The following BAZ1A variants were observed in gnomAD, a reference collection of about 807,000 sequenced individuals.
BAZ1A encodes bromodomain adjacent to zinc finger domain 1A.
In BAZ1A, 50 loss-of-function variants were observed where a neutral mutation model predicts 185.2. The ratio of observed to expected loss-of-function variants is 0.27; its 90% CI spans 0.22 to 0.34. The LOEUF is 0.34. BAZ1A is among the 10% of genes least tolerant of loss of function. The pLI, the probability that BAZ1A is intolerant of heterozygous loss-of-function variation, is 1.00. For synonymous variants in BAZ1A, 571 were observed against 615.6 expected, an observed-to-expected ratio of 0.93 and a Z score of 1.07; for missense variants, 1,356 against 1,839.9, an observed-to-expected ratio of 0.74 and a Z score of 4.81.
chr14:34,838,867 C>T (rs2042369733), intron 3 of BAZ1A, among the ~76,000 whole-genome samples: 3 of 151,652 alleles, frequency 2.0e-5, no homozygotes, highest in Admixed American at 1.3e-4. Context: ...CTACAGTAGT[C>T]GCAAAAAAGG....
chr14:34,852,438 A>T (rs2042612027), intron 3 of BAZ1A, among the ~76,000 whole-genome samples: 1 of 152,024 alleles, frequency 6.6e-6, no homozygotes, highest in South Asian at 2.1e-4. Context: ...GGGCAACATA[A>T]TGAAACTGTC....
At chr14:34,797,451 C>T (rs1216224418) in intron 9 of BAZ1A, among the ~76,000 whole-genome samples, 7 of 151,698 alleles carry the variant, frequency 4.6e-5, no homozygotes, top group African/African-American at 7.3e-5. Flanking sequence ...CCCAGCCACT[C>T]GGGAGGCTGA....
chr14:34,811,068 T>A, intron 4 of BAZ1A, 32 bp from the exon 5 acceptor site: 1 of 1,393,454 alleles, frequency 7.2e-7, no homozygotes, highest in Non-Finnish European at 1.0e-6. Context: ...CACAAATCAG[T>A]TAATAATTTG....
rs116347888 is a variant in BAZ1A at position 34,753,820 on chromosome 14, T to C, written c.4475-116A>G. The C allele has an allele frequency of 1.5e-3, 1,399 of 917,216 alleles. 27 individuals carry two copies. In the African/African-American group the frequency reaches 0.022, roughly 14 times the overall value. The allele number at this position is 917,216 out of a possible 1,614,324, so 56.8% of individuals were successfully genotyped here. A position where few individuals can be genotyped will look rare whatever the true frequency, so the allele number is the denominator to read the frequency against. On this transcript the variant is annotated intron_variant, in intron 26 of 26. Transcript: ENST00000360310. ...GAAAATGGAAGCCCACTTTTTTCTT[T>C]AGAAAGAGAAGACTCTGGCTAGGCA...
chr14:34,768,162 T>A (rs1042154742), intron 21 of BAZ1A, among the ~76,000 whole-genome samples: 1 of 152,154 alleles, frequency 6.6e-6, no homozygotes, highest in Admixed American at 6.5e-5. Context: ...ACAGATAAAT[T>A]CCTCCATAAA....
At chr14:34,800,059 G>A (rs965648945) in intron 9 of BAZ1A, among the ~76,000 whole-genome samples, 165 bp downstream of exon 9, 1 of 152,182 alleles carries the variant, frequency 6.6e-6, no homozygotes, top group African/African-American at 2.4e-5. Context: ...GTAAAGGCAT[G>A]TTAAATTTTC....
chr14:34,844,317 C>A (rs1326444599), intron 3 of BAZ1A, among the ~76,000 whole-genome samples: 1 of 150,638 alleles, frequency 6.6e-6, no homozygotes, highest in Non-Finnish European at 1.5e-5. Flanking sequence ...ATAAATTTAA[C>A]CAAAGAGGTG....
chr14:34,753,695 A>G lies in BAZ1A; in HGVS notation c.4484T>C (p.Ile1495Thr), dbSNP rs780663532. The change falls in exon 27 of 27, where the codon ATT (isoleucine) becomes ACT (threonine). Residue 1495 changes from isoleucine to threonine, a missense_variant. Coordinates refer to ENST00000360310, the MANE Select transcript of BAZ1A (RefSeq NM_013448.3). ...CGAAAACATTAACTCAATGTCATCA[A>G]TAAACTCAGCTAGAAAGGGAAAGAG... ...KCEYKLASEF[I>T]DDIELMFSNC... The G allele has an allele frequency of 8.2e-6, 13 of 1,580,400 alleles. No individual in the cohort carries two copies. In the East Asian group the frequency reaches 2.7e-4, roughly 33 times the overall value.
chr14:34,763,933 A>G (rs948653348), intron 23 of BAZ1A, among the ~76,000 whole-genome samples: 2 of 152,196 alleles, frequency 1.3e-5, no homozygotes, highest in African/African-American at 4.8e-5. Flanking sequence ...GTAAGCCTGT[A>G]TATCTACCTT....
rs761940413 is a variant in BAZ1A at position 34,765,276 on chromosome 14, G to C, written c.3302-8C>G. On this transcript the variant is annotated splice_polypyrimidine_tract_variant and splice_region_variant and intron_variant, in intron 21 of 26. Transcript: ENST00000360310. ...GCCCACTGTCACTGGCATCTTAAAT[G>C]AAAAGGGAAAGTGATTACAATTTTT... 5 of 1,610,412 alleles carry C rather than the reference G, an allele frequency of 3.1e-6. No homozygotes were observed. Among genetic ancestry groups the C allele is most frequent in the Non-Finnish European group, 4.2e-6 (5 of 1,178,402 alleles).
At chr14:34,805,638 CAG>C (rs142152871) in intron 6 of BAZ1A, among the ~76,000 whole-genome samples, 29,939 of 152,024 alleles carry the variant, frequency 0.2, 3,452 homozygotes, top group Non-Finnish European at 0.26. Context: ...ATGCTATAGA[CAG>C]AGCATAATTG....
At chr14:34,825,475 A>AAAAAAAAAC (rs2042153598) in intron 4 of BAZ1A, among the ~76,000 whole-genome samples, 1 of 149,654 alleles carries the variant, frequency 6.7e-6, no homozygotes, top group Non-Finnish European at 1.5e-5. Context: ...AAAAAAAAAA[A>AAAAAAAAAC]AGAGGGTGGG....
intron 4 of BAZ1A, among the ~76,000 whole-genome samples, chr14:34,823,960 T>A (rs953395187): frequency 6.6e-6 from 1 of 152,122 alleles, no homozygotes; most frequent in East Asian, 1.9e-4. Context: ...TGAACTACTG[T>A]CAGACATGCT....
intron 3 of BAZ1A, among the ~76,000 whole-genome samples, chr14:34,851,332 CAAAAAAA>C (rs71435818): frequency 4.6e-4 from 20 of 43,408 alleles, no homozygotes; most frequent in African/African-American, 1.7e-3. Flanking sequence ...GACCCTAGCT[CAAAAAAA>C]AAAAAAAAAA....
intron 9 of BAZ1A, among the ~76,000 whole-genome samples, chr14:34,796,990 C>T (rs1022855810): frequency 3.9e-5 from 6 of 152,096 alleles, no homozygotes; most frequent in African/African-American, 1.2e-4. Context: ...TATTCTTAAT[C>T]TTTGATTTAT....
In BAZ1A at chr14:34,774,480, C is replaced by A; in HGVS notation, c.2844G>T (p.Gln948His). The change falls in exon 19 of 27, where the codon CAG becomes CAT. Residue 948 changes from glutamine (Q) to histidine (H), a missense_variant. Physicochemically the swap from Gln to His is conservative, Grantham distance 24 (BLOSUM62 0). Coordinates refer to ENST00000360310, the MANE Select transcript of BAZ1A (RefSeq NM_013448.3). ...GACTATATGTTGGTTTGCTATCAGG[C>A]TGAGGTTTGTCTGAAATAGTAATCA... ...EEKFHFSDKP[Q>H]PDSKPTYSRG... The A allele has an allele frequency of 6.3e-7, 1 of 1,579,748 alleles. No individual in the cohort carries two copies.
chr14:34,765,443 A>T (rs1878776317), intron 21 of BAZ1A, among the ~76,000 whole-genome samples, 175 bp from the exon 22 acceptor site: 1 of 152,240 alleles, frequency 6.6e-6, no homozygotes, highest in Admixed American at 6.5e-5. Flanking sequence ...ATATTTGCTG[A>T]GCCGCATCTC....
At position 34,776,448 on chromosome 14, in the gene BAZ1A, C is replaced by T. The variant is rs1594826396; in HGVS notation, c.2304G>A (p.Glu768=). Residue 768 remains glutamate, a synonymous_variant, in exon 18 of 27, where the codon GAG becomes GAA. Transcript: ENST00000360310. ...CTTCTTCCTCATCAGCAGTAAGAGG[C>T]TCTCTTGTTACACAGTTGATCTGTT... ...RQEQINCVTR[E]PLTADEEEAL... The T allele has an allele frequency of 6.2e-7, 1 of 1,613,932 alleles. No individual in the cohort carries two copies.
rs760780689 is a variant in BAZ1A, at chr14:34,874,445, G to A, written c.113+47C>T. 28 of 1,507,496 alleles carry A rather than the reference G, an allele frequency of 1.9e-5. 1 individual carries two copies. Among genetic ancestry groups the A allele is most frequent in the South Asian group, 1.1e-4 (10 of 88,864 alleles). 93.4% of individuals were successfully genotyped at this position (1,507,496 alleles called of 1,614,324 possible). On this transcript the variant is annotated intron_variant, in intron 2 of 26. Transcript: ENST00000360310. This position sits in a 1 kb window ranked among gnomAD's most constrained non-coding sequence, Gnocchi z 4.7. The stretch of plus-strand genomic sequence containing the variant: ...GAGAGAGACAAAAGAGCGCTGCGGG[G>A]GGAGTCCCCACACCCCCCGCGGCCC...
Sources: gnomAD v4.1 joint callset for allele counts (sites outside exome capture counted in the v4.1 genomes callset) on GRCh38, gnomAD v4.1.1 for gene constraint, Gnocchi (gnomAD v3.1) non-coding constraint, MANE v1.5 for transcripts, NCBI Gene and HGNC (gene_info 2026-07-23, HGNC 2026-07-21) for gene names.